ADAMTS2: variants seen among roughly 807,000 people sequenced by gnomAD.
The protein encoded by ADAMTS2 is ADAM metallopeptidase with thrombospondin type 1 motif 2.
A neutral mutation model predicts 123.0 loss-of-function variants in ADAMTS2; 50 were observed. That is an observed-to-expected ratio of 0.41 (90% CI 0.32 to 0.51). The LOEUF (loss-of-function observed/expected upper bound fraction) is 0.51, where lower values mean the gene tolerates loss of function less well. Among genes scored for constraint, ADAMTS2 ranks in the 20% least tolerant of loss-of-function variants. ADAMTS2 has a pLI of 0.35. For synonymous variants in ADAMTS2, 678 were observed against 695.4 expected (o/e 0.98, Z 0.39); for missense variants, 1,494 against 1,705.2 (o/e 0.88, Z 2.18).
chr5:179,227,513 T>G (rs1350321088), intron 3 of ADAMTS2, among the ~76,000 whole-genome samples: 1 of 152,098 alleles, frequency 6.6e-6, no homozygotes, highest in African/African-American at 2.4e-5. Flanking sequence ...CGGCAGTATC[T>G]GGTGGGCTGC....
In ADAMTS2 at chr5:179,180,847, T is replaced by C. The variant is rs1581171715; in HGVS notation, c.975+225A>G. On this transcript the variant is annotated intron_variant, in intron 5 of 21. Coordinates refer to ENST00000251582, the MANE Select transcript of ADAMTS2 (RefSeq NM_014244.5). The surrounding 1 kb of genome is among the most constrained non-coding windows in gnomAD (Gnocchi z 4.6). ...TGGTATGTCTCTTCCTCTTGGGATC[T>C]GGGAGTAACAGACTCTTTTCAGTGA... 6.6e-6 allele frequency among the ~76,000 whole-genome samples: 1 copy of C among 152,218 alleles called. No homozygotes were observed. The highest frequency in any genetic ancestry group is 1.9e-4 in the East Asian group (1 of 5,186).
chr5:179,321,470 C>T lies in ADAMTS2; in HGVS notation c.534+22297G>A, dbSNP rs147435784. On this transcript the variant is annotated intron_variant, in intron 2 of 21. Coordinates refer to ENST00000251582, the MANE Select transcript of ADAMTS2 (RefSeq NM_014244.5). ...TGGCTGCTGGGCCTGATGCCCCCTGCCATCCCAATTCCCTGAACCCCCTCC... is the reference window on the plus strand; with the variant it reads ...TGGCTGCTGGGCCTGATGCCCCCTGTCATCCCAATTCCCTGAACCCCCTCC... Among the ~76,000 whole-genome samples the T allele has an allele frequency of 4.0e-3, 603 of 152,298 alleles. 9 individuals carry two copies. The highest frequency in any genetic ancestry group is 0.014 in the African/African-American group (580 of 41,552).
chr5:179,155,951 T>C lies in ADAMTS2; in HGVS notation c.1133-1032A>G, dbSNP rs1222939165. ...GTGTACGCGCCTAAAAATAGAAGCA[T>C]CGTGATCTAACCCTTGTCTTTTCCC... is the stretch of plus-strand genomic sequence containing the variant. On this transcript the variant is annotated intron_variant, in intron 6 of 21. Transcript: ENST00000251582. This position sits in a 1 kb window ranked among gnomAD's most constrained non-coding sequence, Gnocchi z 5.1. Among the ~76,000 whole-genome samples the C allele has an allele frequency of 6.6e-6, 1 of 152,102 alleles. No individual in the cohort carries two copies. Among genetic ancestry groups the C allele is most frequent in the Non-Finnish European group, 1.5e-5 (1 of 68,016 alleles).
At chr5:179,125,315 C>A (rs1173600732) in intron 18 of ADAMTS2, 135 bp from the exon 19 acceptor site, 2 of 741,628 alleles carry the variant, frequency 2.7e-6, no homozygotes, top group African/African-American at 3.4e-5. Flanking sequence ...CCCCGGTGCA[C>A]CTTCTCTTAT....
intron 4 of ADAMTS2, among the ~76,000 whole-genome samples, chr5:179,192,852 C>T (rs1053844780): frequency 7.9e-5 from 12 of 152,190 alleles, no homozygotes; most frequent in Admixed American, 2.0e-4. Context: ...GCTGTCTGTC[C>T]GTCTCCACTA....
chr5:179,163,604 C>T (rs1763640741), intron 5 of ADAMTS2, among the ~76,000 whole-genome samples: 1 of 152,204 alleles, frequency 6.6e-6, no homozygotes. Context: ...GCCCCTTCTC[C>T]ACGTCCTGCA....
intron 2 of ADAMTS2, among the ~76,000 whole-genome samples, chr5:179,306,027 A>C (rs1319606720): frequency 6.6e-6 from 1 of 152,196 alleles, no homozygotes; most frequent in African/African-American, 2.4e-5. Flanking sequence ...AGACGGTTTT[A>C]CTGGAAAATT....
chr5:179,131,748 G>A (rs78074512), intron 15 of ADAMTS2, among the ~76,000 whole-genome samples: 2,046 of 152,280 alleles, frequency 0.013, 40 homozygotes, highest in African/African-American at 0.046. Flanking sequence ...GGAGATACCA[G>A]GATCCCTATT....
In ADAMTS2 at chr5:179,132,989, C is replaced by T. The variant is rs1214690114; in HGVS notation, c.2086-89G>A. On this transcript the variant is annotated intron_variant, in intron 13 of 21. Transcript: ENST00000251582. The surrounding 1 kb of genome is among the most constrained non-coding windows in gnomAD (Gnocchi z 6.1). Reference sequence around the variant, plus strand: ...GTTGCCCCCAGTCTCGAACACCTGGCCTCAAGCGATCCTCCTGCCTTGGCC... The same window carrying T: ...GTTGCCCCCAGTCTCGAACACCTGGTCTCAAGCGATCCTCCTGCCTTGGCC... 2.0e-6 allele frequency: 3 copies of T among 1,532,456 alleles called. No homozygotes were observed. Among genetic ancestry groups the T allele is most frequent in the Non-Finnish European group, 1.8e-6 (2 of 1,134,088 alleles). 94.9% of individuals were successfully genotyped at this position (1,532,456 alleles called of 1,614,324 possible).
chr5:179,196,252 C>CA lies in ADAMTS2; in HGVS notation c.891+11260dup, dbSNP rs112746849. The stretch of plus-strand genomic sequence containing the variant: ...CTGGCATAGAGAGAAATCATTCATT[C>CA]AAAAAAAACGGTCGTAGAACATACT... On this transcript the variant is annotated intron_variant, in intron 4 of 21. Transcript: ENST00000251582. 1.5e-3 allele frequency among the ~76,000 whole-genome samples: 227 copies of CA among 151,688 alleles called. 2 individuals are homozygous for CA. Among genetic ancestry groups the CA allele is most frequent in the African/African-American group, 5.3e-3 (218 of 41,390 alleles).
chr5:179,245,210 C>A (rs1307113161), intron 3 of ADAMTS2, among the ~76,000 whole-genome samples: 2 of 151,944 alleles, frequency 1.3e-5, no homozygotes, highest in African/African-American at 4.8e-5. Context: ...GCATAAAAGA[C>A]GAAGGACAGA....
chr5:179,328,060 GCT>G (rs1161298713), intron 2 of ADAMTS2, among the ~76,000 whole-genome samples: 1 of 152,188 alleles, frequency 6.6e-6, no homozygotes, highest in Non-Finnish European at 1.5e-5. Flanking sequence ...ACAGAGTCTC[GCT>G]CTGTCGCCCA....
rs1326350135 is a variant in ADAMTS2 at position 179,118,543 on chromosome 5, A to G, written c.3178+3118T>C. ...TTGGCTACACCTGAACAGCACCTGCATTATTATTTGCTTAGTCATATCCTT... is the reference window on the plus strand; with the variant it reads ...TTGGCTACACCTGAACAGCACCTGCGTTATTATTTGCTTAGTCATATCCTT... On this transcript the variant is annotated intron_variant, in intron 21 of 21. Coordinates refer to ENST00000251582, the MANE Select transcript of ADAMTS2 (RefSeq NM_014244.5). The surrounding 1 kb of genome is among the most constrained non-coding windows in gnomAD (Gnocchi z 4.5). Among the ~76,000 whole-genome samples, 1 of 152,236 alleles carries G rather than the reference A, an allele frequency of 6.6e-6. No homozygotes were observed. Among genetic ancestry groups the G allele is most frequent in the Non-Finnish European group, 1.5e-5 (1 of 68,040 alleles).
rs1351159498 is a variant in ADAMTS2, at chr5:179,112,090, A to G, written c.*1777T>C. On this transcript the variant is annotated 3_prime_UTR_variant, in exon 22 of 22. Transcript: ENST00000251582. ...ACATCGTCATTTTGTCCCTTGGATC[A>G]TACACACAGAGCCACCCACATGTGC... 1 of 152,300 alleles carries G rather than the reference A, an allele frequency of 6.6e-6. No individual in the cohort carries two copies. Among genetic ancestry groups the G allele is most frequent in the Non-Finnish European group, 1.5e-5 (1 of 68,070 alleles). The allele number at this position is 152,300 out of a possible 1,614,324, so 9.4% of individuals were successfully genotyped here.
intron 4 of ADAMTS2, among the ~76,000 whole-genome samples, chr5:179,203,520 G>C (rs979398188): frequency 1.1e-4 from 17 of 152,222 alleles, no homozygotes; most frequent in Non-Finnish European, 1.8e-4. Flanking sequence ...GGCCACTTGG[G>C]GTTGTGGTTC....
At chr5:179,302,839 A>C (rs909612773) in intron 2 of ADAMTS2, among the ~76,000 whole-genome samples, 6 of 151,776 alleles carry the variant, frequency 4.0e-5, no homozygotes, top group African/African-American at 1.5e-4. Flanking sequence ...AGAACAGCAC[A>C]TGCAGAGGAC....
In ADAMTS2 at chr5:179,135,881, C is replaced by G. The variant is rs778610171; in HGVS notation, c.2085+28G>C. ...AGGAAGCTGAGACTTGACACGGTAG[C>G]CCCCCGTGCCGGCCTCTGTGTACTC... On this transcript the variant is annotated intron_variant, in intron 13 of 21. Coordinates refer to ENST00000251582, the MANE Select transcript of ADAMTS2 (RefSeq NM_014244.5). 4 of 1,611,728 alleles carry G rather than the reference C, an allele frequency of 2.5e-6. No homozygotes were observed. In the Admixed American group the frequency reaches 6.7e-5, roughly 27 times the overall value.
intron 12 of ADAMTS2, 99 bp from the exon 13 acceptor site, chr5:179,136,141 C>T (rs1208374253): frequency 6.4e-7 from 1 of 1,570,942 alleles, no homozygotes; most frequent in African/African-American, 1.3e-5. Flanking sequence ...ACAAGGGTCC[C>T]CACGTGGCCC....
intron 4 of ADAMTS2, among the ~76,000 whole-genome samples, chr5:179,195,619 G>C (rs373440931): frequency 6.6e-6 from 1 of 152,200 alleles, no homozygotes; most frequent in African/African-American, 2.4e-5. Context: ...CTCTCCGGTC[G>C]CCCGAGTCCC....
Sources: gnomAD v4.1 joint callset for allele counts (sites outside exome capture counted in the v4.1 genomes callset) on GRCh38, gnomAD v4.1.1 for gene constraint, Gnocchi (gnomAD v3.1) non-coding constraint, MANE v1.5 for transcripts, NCBI Gene and HGNC (gene_info 2026-07-23, HGNC 2026-07-21) for gene names.